Variants in TPD52L1 observed in about 807,000 individuals in gnomAD.
TPD52L1 encodes TPD52 like 1.
Under a neutral mutation model 28.7 loss-of-function variants are expected in TPD52L1, and 18 were observed. The ratio of observed to expected loss-of-function variants is 0.63; its 90% CI spans 0.43 to 0.93. The LOEUF is 0.93. Among genes scored for constraint, TPD52L1 ranks in the 40% least tolerant of loss-of-function variants. The pLI is 0.00. For synonymous variants in TPD52L1, 75 were observed against 88.8 expected (o/e 0.84, Z 0.88); for missense variants, 203 against 254.8 (o/e 0.80, Z 1.39).
At position 125,248,262 on chromosome 6, in the gene TPD52L1, T is replaced by C. The variant is rs375317587; in HGVS notation, c.285-20T>C. Reference sequence around the variant, plus strand: ...GGGAGATCATGATATAAAAACCATGTTGTTCTGTTTTATTTCTAGCTACAA... The same window carrying C: ...GGGAGATCATGATATAAAAACCATGCTGTTCTGTTTTATTTCTAGCTACAA... On this transcript the variant is annotated intron_variant, in intron 3 of 6. Transcript: ENST00000534000. 1.5e-4 allele frequency: 238 copies of C among 1,591,188 alleles called. No homozygotes were observed. Among genetic ancestry groups the C allele is most frequent in the Non-Finnish European group, 2.0e-4 (230 of 1,159,680 alleles).
At chr6:125,221,052 C>T (rs150617013) in intron 2 of TPD52L1, among the ~76,000 whole-genome samples, 1 of 152,268 alleles carries the variant, frequency 6.6e-6, no homozygotes, top group East Asian at 1.9e-4. Flanking sequence ...GCTCTGAGCT[C>T]CACCTTACCC....
At chr6:125,198,250 C>T (rs1299841631) in intron 1 of TPD52L1, among the ~76,000 whole-genome samples, 1 of 152,178 alleles carries the variant, frequency 6.6e-6, no homozygotes, top group African/African-American at 2.4e-5. Context: ...TGCTCTAAAC[C>T]CTTTCAGGCA....
intron 1 of TPD52L1, among the ~76,000 whole-genome samples, chr6:125,193,528 C>T (rs1007081242): frequency 6.6e-6 from 1 of 152,086 alleles, no homozygotes; most frequent in African/African-American, 2.4e-5. Flanking sequence ...CTTTGGTGCT[C>T]TCTCTGTGAT....
intron 1 of TPD52L1, among the ~76,000 whole-genome samples, chr6:125,170,237 A>G (rs1277902976): frequency 6.6e-6 from 1 of 151,968 alleles, no homozygotes. Context: ...AGCCACAATA[A>G]CATCATTCTA....
intron 4 of TPD52L1, chr6:125,252,208 A>T: frequency 1.6e-6 from 1 of 644,424 alleles, no homozygotes; most frequent in South Asian, 2.2e-5. Context: ...ATACATTTGA[A>T]CTTATTGAAG....
At chr6:125,203,854 T>C in intron 1 of TPD52L1, 3 of 916,900 alleles carry the variant, frequency 3.3e-6, no homozygotes, top group Non-Finnish European at 3.9e-6. Context: ...TCCCTTGACC[T>C]ACTTCTAAAA....
chr6:125,227,283 A>G (rs1029622558), intron 2 of TPD52L1, among the ~76,000 whole-genome samples: 2 of 152,216 alleles, frequency 1.3e-5, no homozygotes, highest in Non-Finnish European at 2.9e-5. Context: ...TTGTGTATAT[A>G]AAGGTTCGCA....
intron 1 of TPD52L1, among the ~76,000 whole-genome samples, chr6:125,164,376 G>C (rs981464330): frequency 6.6e-6 from 1 of 152,096 alleles, no homozygotes; most frequent in Non-Finnish European, 1.5e-5. Flanking sequence ...CTGTTTTCAA[G>C]ATGAAGAATT....
intron 1 of TPD52L1, among the ~76,000 whole-genome samples, chr6:125,194,664 T>C (rs1434268009): frequency 6.6e-6 from 1 of 152,230 alleles, no homozygotes; most frequent in Non-Finnish European, 1.5e-5. Flanking sequence ...TTTTAATATA[T>C]GTGCTGCCGA....
intron 1 of TPD52L1, among the ~76,000 whole-genome samples, chr6:125,171,690 A>C (rs1791309528): frequency 1.3e-5 from 2 of 152,128 alleles, no homozygotes; most frequent in Non-Finnish European, 2.9e-5. Context: ...TGAGCCTTGA[A>C]ACAGTTCTCC....
intron 5 of TPD52L1, among the ~76,000 whole-genome samples, chr6:125,254,307 C>A (rs1430583636): frequency 2.0e-5 from 3 of 152,182 alleles, no homozygotes; most frequent in African/African-American, 4.8e-5. Context: ...TTCTTAACTT[C>A]AAGTTTGCAT....
chr6:125,173,423 T>C (rs57539014), intron 1 of TPD52L1, among the ~76,000 whole-genome samples: 2,110 of 152,266 alleles, frequency 0.014, 45 homozygotes, highest in African/African-American at 0.048. Context: ...TTCTCTTGAT[T>C]AAACCCTTTG....
chr6:125,156,357 T>C (rs1790118701), intron 1 of TPD52L1, among the ~76,000 whole-genome samples: 1 of 151,108 alleles, frequency 6.6e-6, no homozygotes, highest in South Asian at 2.1e-4. Flanking sequence ...GCCTAGCTAC[T>C]TGGAAGGCTG....
intron 3 of TPD52L1, among the ~76,000 whole-genome samples, chr6:125,237,030 G>T (rs1258469269): frequency 1.3e-5 from 2 of 152,184 alleles, no homozygotes; most frequent in African/African-American, 2.4e-5. Flanking sequence ...CTAGAGCAGA[G>T]ACCCTAAGGT....
rs908838479 is a variant in TPD52L1, at chr6:125,208,905, A to G, written c.20-11173A>G. ...AAGAGAACCTTTCAATCCCTAGGGC[A>G]GGAATAAGCCAGCAGGCCCAAGGTG... On this transcript the variant is annotated intron_variant, in intron 1 of 6. Transcript: ENST00000534000. 5 of 985,254 alleles carry G rather than the reference A, an allele frequency of 5.1e-6. No homozygotes were observed. In the African/African-American group the frequency reaches 7.0e-5, roughly 14 times the overall value. The allele number at this position is 985,254 out of a possible 1,614,324, so 61.0% of individuals were successfully genotyped here. A position where few individuals can be genotyped will look rare whatever the true frequency, so the allele number is the denominator to read the frequency against.
At chr6:125,201,124 A>G (rs1793777083) in intron 1 of TPD52L1, among the ~76,000 whole-genome samples, 1 of 152,200 alleles carries the variant, frequency 6.6e-6, no homozygotes, top group Non-Finnish European at 1.5e-5. Context: ...AAAGCAAGGT[A>G]CCAAAGAGGA....
intron 1 of TPD52L1, among the ~76,000 whole-genome samples, chr6:125,194,324 G>A (rs984896540): frequency 5.9e-5 from 9 of 152,102 alleles, no homozygotes; most frequent in South Asian, 4.2e-4. Context: ...GGTTAAGGCC[G>A]TTTATAACTC....
chr6:125,213,338 T>C (rs1226323409), intron 1 of TPD52L1, among the ~76,000 whole-genome samples: 1 of 152,166 alleles, frequency 6.6e-6, no homozygotes, highest in Non-Finnish European at 1.5e-5. Context: ...GCCTGGTGTA[T>C]GGAAGCCTGA....
At chr6:125,206,608 G>A (rs2114916857) in intron 1 of TPD52L1, among the ~76,000 whole-genome samples, 1 of 152,290 alleles carries the variant, frequency 6.6e-6, no homozygotes, top group South Asian at 2.1e-4. Context: ...AGAGGCTTTG[G>A]TAGGGACATC....
Sources: gnomAD v4.1 joint callset for allele counts (sites outside exome capture counted in the v4.1 genomes callset) on GRCh38, gnomAD v4.1.1 for gene constraint, MANE v1.5 for transcripts, NCBI Gene and HGNC (gene_info 2026-07-23, HGNC 2026-07-21) for gene names.